The following PTPN13 variants were observed in gnomAD, a reference collection of about 807,000 sequenced individuals.
PTPN13 encodes the protein protein tyrosine phosphatase non-receptor type 13, also known as tyrosine-protein phosphatase non-receptor type 13.
In PTPN13, 191 loss-of-function variants were observed where a neutral mutation model predicts 284.0. The observed-to-expected ratio is 0.67, with a 90% CI of 0.60 to 0.76. The LOEUF is 0.76. Among genes scored for constraint, PTPN13 ranks in the 30% least tolerant of loss-of-function variants. The pLI, the probability that PTPN13 is intolerant of heterozygous loss-of-function variation, is 0.00. For missense variants in PTPN13, 2,797 were observed against 2,939.9 expected, an observed-to-expected ratio of 0.95 and a Z score of 1.12; for synonymous variants, 986 against 1,022.3, an observed-to-expected ratio of 0.96 and a Z score of 0.68.
rs1201430604 is a variant in PTPN13, at chr4:86,737,399, CT to C, written c.2304+1654del. On this transcript the variant is annotated intron_variant, in intron 15 of 47. Coordinates refer to ENST00000411767, the MANE Select transcript of PTPN13 (RefSeq NM_080683.3). ...TGTTTTGTAAATAGTTTTATTGGAA[CT>C]AGTCCATACTCATTTCTTTATATAT... Among the ~76,000 whole-genome samples, 3 of 151,940 alleles carry C rather than the reference CT, an allele frequency of 2.0e-5. No individual in the cohort carries two copies. In the South Asian group the frequency reaches 6.2e-4, roughly 32 times the overall value.
intron 14 of PTPN13, 121 bp from the exon 15 acceptor site, chr4:86,735,473 G>C (rs1285452444): frequency 2.0e-6 from 2 of 1,002,000 alleles, no homozygotes; most frequent in Non-Finnish European, 2.9e-6. Flanking sequence ...ATTCCTCAGA[G>C]AGAGAGGTAG....
chr4:86,736,332 G>A (rs568496443), intron 15 of PTPN13, among the ~76,000 whole-genome samples: 1 of 152,256 alleles, frequency 6.6e-6, no homozygotes, highest in South Asian at 2.1e-4. Context: ...ATAGTATTAT[G>A]TAAACTTCCA....
chr4:86,686,160 A>T (rs1729429155), intron 3 of PTPN13, among the ~76,000 whole-genome samples: 1 of 152,280 alleles, frequency 6.6e-6, no homozygotes, highest in East Asian at 1.9e-4. Context: ...TCAGGAATTC[A>T]AGACGAGCCT....
At chr4:86,724,105 A>C (rs1200101647) in intron 10 of PTPN13, among the ~76,000 whole-genome samples, 1 of 152,180 alleles carries the variant, frequency 6.6e-6, no homozygotes, top group African/African-American at 2.4e-5. Context: ...AAACCTCTTT[A>C]TTCCTCATTG....
chr4:86,813,521 T>A (rs974252042), intron 47 of PTPN13, among the ~76,000 whole-genome samples: 1 of 152,152 alleles, frequency 6.6e-6, no homozygotes, highest in Non-Finnish European at 1.5e-5. Flanking sequence ...CTCTGCTCAC[T>A]GCAACCTCCA....
chr4:86,772,961 A>G lies in PTPN13; in HGVS notation c.5349+3A>G. ...ATCACCTTGAAGACTTTGAACTGGT[A>G]AGTTGTTTTCTCTATATTTAAAAAA... On this transcript the variant is annotated splice_donor_region_variant and intron_variant, in intron 32 of 47. Coordinates refer to ENST00000411767, the MANE Select transcript of PTPN13 (RefSeq NM_080683.3). The G allele has an allele frequency of 6.4e-7, 1 of 1,564,722 alleles. No homozygotes were observed. Among genetic ancestry groups the G allele is most frequent in the South Asian group, 1.2e-5 (1 of 82,342 alleles).
intron 5 of PTPN13, among the ~76,000 whole-genome samples, chr4:86,690,656 C>T (rs929860968): frequency 6.6e-6 from 1 of 152,066 alleles, no homozygotes; most frequent in Non-Finnish European, 1.5e-5. Context: ...TTACACCACA[C>T]TTTCTCTAAG....
At chr4:86,697,583 C>G (rs906305750) in intron 6 of PTPN13, among the ~76,000 whole-genome samples, 1 of 152,138 alleles carries the variant, frequency 6.6e-6, no homozygotes, top group Non-Finnish European at 1.5e-5. Flanking sequence ...AGAAAGAAAT[C>G]AAACATTTCC....
chr4:86,663,235 A>T (rs143915530), intron 2 of PTPN13, among the ~76,000 whole-genome samples: 9 of 152,370 alleles, frequency 5.9e-5, no homozygotes, highest in African/African-American at 2.2e-4. Flanking sequence ...AGAGAAAAGC[A>T]TACAAATTTA....
At chr4:86,659,036 C>G (rs1203489936) in intron 2 of PTPN13, among the ~76,000 whole-genome samples, 1 of 152,018 alleles carries the variant, frequency 6.6e-6, no homozygotes, top group Non-Finnish European at 1.5e-5. Context: ...AATCTTAAAA[C>G]TGCTGTGAGG....
chr4:86,614,567 A>G (rs1578254892), intron 1 of PTPN13, among the ~76,000 whole-genome samples: 1 of 152,146 alleles, frequency 6.6e-6, no homozygotes, highest in East Asian at 1.9e-4. Flanking sequence ...GCCAAAAACC[A>G]GTTGGAATTA....
chr4:86,750,683 A>G lies in PTPN13; in HGVS notation c.2864A>G (p.Asp955Gly), dbSNP rs1737285300. 2 of 1,613,946 alleles carry G rather than the reference A, an allele frequency of 1.2e-6. No individual in the cohort carries two copies. The highest frequency in any genetic ancestry group is 1.7e-6 in the Non-Finnish European group (2 of 1,179,856). Residue 955 changes from aspartate (D) to glycine (G), a missense_variant, in exon 18 of 48, where the codon GAC (aspartate) becomes GGC (glycine). Asp to Gly is a moderately conservative substitution (Grantham distance 94, BLOSUM62 -1). Coordinates refer to ENST00000411767, the MANE Select transcript of PTPN13 (RefSeq NM_080683.3). Reference sequence around the variant, plus strand: ...CAAAACAGTTCAAAAGAGAAGAATGACAAAGCTTCATGGGAGGAAAAGCCT... The same window carrying G: ...CAAAACAGTTCAAAAGAGAAGAATGGCAAAGCTTCATGGGAGGAAAAGCCT... ...PLQNSSKEKN[D>G]KASWEEKPRE...
intron 1 of PTPN13, among the ~76,000 whole-genome samples, chr4:86,633,438 A>G (rs916588775): frequency 1.3e-5 from 2 of 152,154 alleles, no homozygotes; most frequent in Non-Finnish European, 2.9e-5. Flanking sequence ...GAGAACATAT[A>G]TCAAGGACTC....
intron 15 of PTPN13, among the ~76,000 whole-genome samples, chr4:86,736,860 C>G (rs1025734069): frequency 2.6e-5 from 4 of 152,142 alleles, no homozygotes; most frequent in Non-Finnish European, 4.4e-5. Context: ...TTGCCCTACT[C>G]CTTCTAATAA....
intron 46 of PTPN13, 28 bp from the exon 47 acceptor site, chr4:86,811,018 C>A: frequency 6.3e-7 from 1 of 1,599,090 alleles, no homozygotes; most frequent in Non-Finnish European, 8.6e-7. Flanking sequence ...TCCTTTGAAT[C>A]TAACACATAT....
intron 42 of PTPN13, among the ~76,000 whole-genome samples, chr4:86,801,769 G>A (rs1744059462): frequency 6.6e-6 from 1 of 152,036 alleles, no homozygotes; most frequent in South Asian, 2.1e-4. Context: ...TGCTTATGTA[G>A]AAATACTGGC....
At chr4:86,606,532 A>C (rs1239955395) in intron 1 of PTPN13, among the ~76,000 whole-genome samples, 2 of 151,844 alleles carry the variant, frequency 1.3e-5, no homozygotes, top group Non-Finnish European at 3.0e-5. Flanking sequence ...AAATAATGAA[A>C]ATAATTCTAT....
chr4:86,728,643 CTTTTTTTTTTTTTTTTTTTTT>C (rs57773658), intron 10 of PTPN13, among the ~76,000 whole-genome samples: 1 of 24,502 alleles, frequency 4.1e-5, no homozygotes, highest in Non-Finnish European at 7.6e-5. Context: ...CAACCCCTGC[CTTTTTTTTTTTTTTTTTTTTT>C]TTTTTTTTTT....
chr4:86,809,750 T>C lies in PTPN13; in HGVS notation c.7084-19T>C, dbSNP rs370456382. 5 of 1,595,412 alleles carry C rather than the reference T, an allele frequency of 3.1e-6. No homozygotes were observed. The highest frequency in any genetic ancestry group is 4.3e-6 in the Non-Finnish European group (5 of 1,162,944). On this transcript the variant is annotated intron_variant, in intron 45 of 47. Coordinates refer to ENST00000411767, the MANE Select transcript of PTPN13 (RefSeq NM_080683.3). ...AATATAACATGTCATGATCCACTTA[T>C]TCTGTTATACAATTTCAGACCAGAG...
Sources: gnomAD v4.1 joint callset for allele counts (sites outside exome capture counted in the v4.1 genomes callset) on GRCh38, gnomAD v4.1.1 for gene constraint, MANE v1.5 for transcripts, NCBI Gene and HGNC (gene_info 2026-07-23, HGNC 2026-07-21) for gene names.